The following ULK4 variants were observed in gnomAD, a reference collection of about 807,000 sequenced individuals.
ULK4 encodes the protein unc-51 like kinase 4, also known as inactive serine/threonine-protein kinase ULK4.
In ULK4, 133 loss-of-function variants were observed where a neutral mutation model predicts 160.6. That is an observed-to-expected ratio of 0.83 (90% CI 0.72 to 0.96). ULK4 has a LOEUF of 0.96. ULK4 is among the 40% of genes least tolerant of loss of function. The probability of loss-of-function intolerance (pLI) is 0.00; values close to 1 mark genes in which losing one functional copy is unlikely to be tolerated. For missense variants in ULK4, 1,580 were observed against 1,499.5 expected (o/e 1.05, Z -0.89); for synonymous variants, 534 against 539.8 (o/e 0.99, Z 0.15).
chr3:41,256,055 A>C (rs2078829472), intron 35 of ULK4, among the ~76,000 whole-genome samples: 1 of 152,214 alleles, frequency 6.6e-6, no homozygotes, highest in East Asian at 1.9e-4. Context: ...AATGCTGACG[A>C]AAGAAAATAA....
chr3:41,844,617 T>C (rs987344864), intron 17 of ULK4, among the ~76,000 whole-genome samples: 25 of 152,120 alleles, frequency 1.6e-4, no homozygotes, highest in Non-Finnish European at 3.5e-4. Context: ...GTTCCCACAG[T>C]GCAGCAGCAG....
At chr3:41,445,170 T>C (rs1483719278) in intron 34 of ULK4, among the ~76,000 whole-genome samples, 4 of 152,142 alleles carry the variant, frequency 2.6e-5, no homozygotes, top group Non-Finnish European at 2.9e-5. Flanking sequence ...TTACAAGGGA[T>C]GTGAAGGACC....
intron 16 of ULK4, among the ~76,000 whole-genome samples, chr3:41,893,259 T>C (rs1450666128): frequency 1.3e-5 from 2 of 152,240 alleles, no homozygotes; most frequent in East Asian, 1.9e-4. Flanking sequence ...AATGCCATTA[T>C]ATACATAAAA....
intron 32 of ULK4, among the ~76,000 whole-genome samples, chr3:41,549,416 A>C (rs2125963311): frequency 6.6e-6 from 1 of 152,316 alleles, no homozygotes; most frequent in Middle Eastern, 3.4e-3. Flanking sequence ...TCAATCAATA[A>C]CTTCAATAAT....
chr3:41,503,084 C>T (rs2085265620), intron 32 of ULK4, among the ~76,000 whole-genome samples: 3 of 152,142 alleles, frequency 2.0e-5, no homozygotes, highest in Admixed American at 6.6e-5. Context: ...CAAAAAGGTA[C>T]TGGAATGGTA....
intron 35 of ULK4, among the ~76,000 whole-genome samples, chr3:41,339,653 G>A (rs776532239): frequency 4.3e-4 from 65 of 152,114 alleles, no homozygotes; most frequent in Non-Finnish European, 8.8e-4. Flanking sequence ...TTTCCGATGA[G>A]GTACGAACAA....
intron 17 of ULK4, among the ~76,000 whole-genome samples, chr3:41,874,921 C>A (rs1221409494): frequency 6.6e-6 from 1 of 152,214 alleles, no homozygotes; most frequent in Non-Finnish European, 1.5e-5. Context: ...TGCCTGTAAT[C>A]CCAGCACTTT....
intron 1 of ULK4, among the ~76,000 whole-genome samples, chr3:41,958,714 C>CAA (rs201705820): frequency 4.9e-5 from 6 of 121,584 alleles, no homozygotes; most frequent in African/African-American, 9.1e-5. Context: ...GAAACTGTCT[C>CAA]AAAAAAAAAA....
chr3:41,329,832 G>C (rs1288780423), intron 35 of ULK4, among the ~76,000 whole-genome samples: 1 of 152,072 alleles, frequency 6.6e-6, no homozygotes, highest in East Asian at 1.9e-4. Flanking sequence ...AAAAAATAAA[G>C]CTCTTCATAA....
chr3:41,795,791 C>T lies in ULK4; in HGVS notation c.2010+4341G>A, dbSNP rs376064511. On this transcript the variant is annotated intron_variant, in intron 20 of 36. Coordinates refer to ENST00000301831, the MANE Select transcript of ULK4 (RefSeq NM_017886.4). ...CAAGTTGGTGGAGCCTAAAACTGGA[C>T]GTTGGAAGACCATTTAGCAAGCTAC... Among the ~76,000 whole-genome samples the T allele has an allele frequency of 3.3e-5, 5 of 152,200 alleles. No individual in the cohort carries two copies. The East Asian group carries it at 7.7e-4, about 23-fold the overall frequency.
Position 41,584,393 on chromosome 3 carries a change from G to C in ULK4, c.3121-18263C>G, listed in dbSNP as rs565862001. Among the ~76,000 whole-genome samples the C allele has an allele frequency of 3.3e-5, 5 of 152,176 alleles. No individual in the cohort carries two copies. In the East Asian group the frequency reaches 9.7e-4, roughly 29 times the overall value. On this transcript the variant is annotated intron_variant, in intron 31 of 36. Transcript: ENST00000301831. ...TGCAACCTCCACCTCCCAAGCTCAAGTGACCCCCCTGCCTCAGCCTCCCAA... is the reference window on the plus strand; with the variant it reads ...TGCAACCTCCACCTCCCAAGCTCAACTGACCCCCCTGCCTCAGCCTCCCAA...
intron 27 of ULK4, among the ~76,000 whole-genome samples, chr3:41,697,732 C>A (rs1402269329): frequency 6.6e-6 from 1 of 152,084 alleles, no homozygotes; most frequent in Non-Finnish European, 1.5e-5. Flanking sequence ...GTTCTCCTGC[C>A]TCAGTCTCCC....
Position 41,754,487 on chromosome 3 carries a change from C to A in ULK4, c.2195G>T (p.Gly732Val), listed in dbSNP as rs553601733. ...TAAACGGATAATTGTGGAGACAAAA[C>A]CCTGTAGAAGACATTTAAACAATTT... is the stretch of plus-strand genomic sequence containing the variant. ...IHLQRLIQEK[G>V]FVSTIIRLLD... is the part of the protein sequence containing the mutation. The change falls in exon 22 of 37, where the codon GGT becomes GTT. Residue 732 changes from glycine to valine, a missense_variant and splice_region_variant. By Grantham distance (109) the Gly-to-Val change is moderately radical. Transcript: ENST00000301831. The A allele has an allele frequency of 9.3e-6, 15 of 1,609,072 alleles. No individual in the cohort carries two copies. Among genetic ancestry groups the A allele is most frequent in the Middle Eastern group, 1.7e-4 (1 of 5,946 alleles).
Position 41,859,324 on chromosome 3 carries a change from G to A in ULK4, c.1657-23353C>T, listed in dbSNP as rs2042442880. 6.8e-6 allele frequency: 4 copies of A among 588,684 alleles called. No homozygotes were observed. The Admixed American group carries it at 7.8e-5, about 11-fold the overall frequency. 36.5% of individuals were successfully genotyped at this position (588,684 alleles called of 1,614,324 possible). Reference sequence around the variant, plus strand: ...TTCTCTCCTCGTGACCTCAAAGACTGAGCACTGTAGAGCACATCTTCCTCC... The same window carrying A: ...TTCTCTCCTCGTGACCTCAAAGACTAAGCACTGTAGAGCACATCTTCCTCC... On this transcript the variant is annotated intron_variant, in intron 17 of 36. Transcript: ENST00000301831.
At chr3:41,404,298 T>G (rs1057055561) in intron 34 of ULK4, among the ~76,000 whole-genome samples, 4 of 151,832 alleles carry the variant, frequency 2.6e-5, no homozygotes, top group Admixed American at 2.0e-4. Flanking sequence ...AAAATAGTTA[T>G]GTCATTTCAG....
At chr3:41,367,321 C>G (rs1330435122) in intron 35 of ULK4, among the ~76,000 whole-genome samples, 3 of 152,100 alleles carry the variant, frequency 2.0e-5, no homozygotes, top group Non-Finnish European at 4.4e-5. Flanking sequence ...GCAGCCTCAC[C>G]CTGGAGTTAG....
At chr3:41,784,263 C>T (rs138755944) in intron 21 of ULK4, among the ~76,000 whole-genome samples, 8,649 of 151,952 alleles carry the variant, frequency 0.057, 431 homozygotes, top group East Asian at 0.17. Flanking sequence ...GGAGAAACCC[C>T]ATCTCTACTA....
intron 13 of ULK4, among the ~76,000 whole-genome samples, chr3:41,899,565 C>A (rs532919909): frequency 6.6e-6 from 1 of 152,300 alleles, no homozygotes; most frequent in South Asian, 2.1e-4. Flanking sequence ...AGTGGCCCAA[C>A]ACAAATTTGT....
intron 19 of ULK4, among the ~76,000 whole-genome samples, chr3:41,819,140 G>A (rs978936819): frequency 6.6e-6 from 1 of 152,130 alleles, no homozygotes; most frequent in Middle Eastern, 3.2e-3. Flanking sequence ...GGAGTGCGGA[G>A]GGTAATTAAG....
Sources: allele counts gnomAD v4.1 joint callset (sites outside exome capture counted in the v4.1 genomes callset), GRCh38; gene constraint gnomAD v4.1.1; transcripts MANE v1.5; gene names NCBI Gene and HGNC (gene_info 2026-07-23, HGNC 2026-07-21).